The following AGO3 variants were observed in gnomAD, a reference collection of about 807,000 sequenced individuals.
AGO3 encodes the protein protein argonaute-3.
In AGO3, 16 loss-of-function variants were observed where a neutral mutation model predicts 105.5. That is an observed-to-expected ratio of 0.15 (90% confidence interval 0.10 to 0.23). AGO3 has a LOEUF of 0.23. Among genes scored for constraint, AGO3 ranks in the 10% least tolerant of loss-of-function variants. The pLI is 1.00. For missense variants in AGO3, 534 were observed against 1,088.0 expected (o/e 0.49, Z 7.16); for synonymous variants, 340 against 367.3 (o/e 0.93, Z 0.85).
intron 6 of AGO3, among the ~76,000 whole-genome samples, chr1:36,005,319 C>G (rs1332107682): frequency 6.6e-6 from 1 of 152,116 alleles, no homozygotes. Context: ...TCCCCCAAAT[C>G]AATTAGAGTA....
At position 36,063,779 on chromosome 1, in the gene AGO3, T is replaced by C. The variant is rs1643052909; in HGVS notation, c.*8034T>C. On this transcript the variant is annotated 3_prime_UTR_variant, in exon 19 of 19. Coordinates refer to ENST00000373191, the MANE Select transcript of AGO3 (RefSeq NM_024852.4). ...ATAGACAGTCCAGTTTCCTAGTGAA[T>C]AGGTCAAGATTATTTGTTTTGTTTT... 6.6e-6 allele frequency: 1 copy of C among 152,350 alleles called. No individual in the cohort carries two copies. The highest frequency in any genetic ancestry group is 6.5e-5 in the Admixed American group (1 of 15,304). The allele number at this position is 152,350 out of a possible 1,614,324, so 9.4% of individuals were successfully genotyped here. A position where few individuals can be genotyped will look rare whatever the true frequency, so the allele number is the denominator to read the frequency against.
At chr1:35,958,148 C>T (rs1347505789) in intron 2 of AGO3, among the ~76,000 whole-genome samples, 1 of 151,734 alleles carries the variant, frequency 6.6e-6, no homozygotes, top group Non-Finnish European at 1.5e-5. Flanking sequence ...TTTGGGAGGC[C>T]AAGGCGGGCG....
At chr1:36,019,645 G>C (rs543137950) in intron 11 of AGO3, among the ~76,000 whole-genome samples, 14 of 152,328 alleles carry the variant, frequency 9.2e-5, no homozygotes, top group Admixed American at 2.6e-4. Context: ...AGATGTAGCA[G>C]AAAGGTACCT....
Position 36,059,974 on chromosome 1 carries a change from CCTTT to C in AGO3, c.*4234_*4237del, listed in dbSNP as rs1376088151. The C allele has an allele frequency of 6.6e-6, 1 of 152,052 alleles. No individual in the cohort carries two copies. Among genetic ancestry groups the C allele is most frequent in the Non-Finnish European group, 1.5e-5 (1 of 68,012 alleles). 9.4% of individuals were successfully genotyped at this position (152,052 alleles called of 1,614,324 possible). ...ACATTTCAACAGAAATATTAGATTC[CCTTT>C]CTTTTTCTTAATAGTGATCTTCTAA... On this transcript the variant is annotated 3_prime_UTR_variant, in exon 19 of 19. Transcript: ENST00000373191.
intron 5 of AGO3, among the ~76,000 whole-genome samples, chr1:35,987,808 A>G (rs1647261193): frequency 6.6e-6 from 1 of 151,630 alleles, no homozygotes; most frequent in Admixed American, 6.6e-5. Flanking sequence ...GGTAGCTCAC[A>G]CCTGTAATCC....
chr1:35,951,998 C>T (rs1427743333), intron 2 of AGO3, among the ~76,000 whole-genome samples: 1 of 152,092 alleles, frequency 6.6e-6, no homozygotes, highest in Non-Finnish European at 1.5e-5. Context: ...ATTTCATCCT[C>T]TCAAAAAGAA....
intron 2 of AGO3, among the ~76,000 whole-genome samples, chr1:35,952,504 AT>A (rs1179535706): frequency 8.5e-5 from 13 of 152,292 alleles, no homozygotes; most frequent in Admixed American, 3.3e-4. Flanking sequence ...TTCTTTTTGC[AT>A]AATGATTTCA....
intron 5 of AGO3, chr1:36,004,094 A>G (rs969217104): frequency 2.9e-5 from 10 of 340,694 alleles, no homozygotes; most frequent in African/African-American, 6.3e-5. Context: ...ACACTTCTCT[A>G]TAGAGAATGG....
At chr1:35,931,857 A>G (rs1245909899) in intron 1 of AGO3, among the ~76,000 whole-genome samples, 1 of 152,220 alleles carries the variant, frequency 6.6e-6, no homozygotes, top group Non-Finnish European at 1.5e-5. Context: ...ATAGGCTGAG[A>G]TAACGGATAA....
At chr1:35,930,859 C>T (rs896058177), upstream of AGO3, 32 of 214,144 alleles carry the variant, frequency 1.5e-4, no homozygotes, top group Non-Finnish European at 3.7e-5. Context: ...ACAGGCACCG[C>T]CCCCACTCGT....
chr1:36,058,335 T>C lies in AGO3; in HGVS notation c.*2590T>C, dbSNP rs936494126. On this transcript the variant is annotated 3_prime_UTR_variant, in exon 19 of 19. Transcript: ENST00000373191. ...TACAAAACTTTTATTGATTACACTTTAAGGTATTAAAAAGTACTATAAAGC... is the reference window on the plus strand; with the variant it reads ...TACAAAACTTTTATTGATTACACTTCAAGGTATTAAAAAGTACTATAAAGC... The C allele has an allele frequency of 4.6e-5, 7 of 152,306 alleles. No homozygotes were observed. Among genetic ancestry groups the C allele is most frequent in the Middle Eastern group, 3.4e-3 (1 of 294 alleles). 9.4% of individuals were successfully genotyped at this position (152,306 alleles called of 1,614,324 possible).
At chr1:35,945,504 G>C (rs534216701) in intron 1 of AGO3, among the ~76,000 whole-genome samples, 188 bp from the exon 2 acceptor site, 10 of 152,238 alleles carry the variant, frequency 6.6e-5, no homozygotes, top group Non-Finnish European at 1.5e-4. Flanking sequence ...ACGGTTTTCT[G>C]TGTTTATTTT....
intron 5 of AGO3, chr1:35,982,594 A>G (rs905157960): frequency 4.2e-6 from 3 of 717,178 alleles, no homozygotes; most frequent in Non-Finnish European, 7.8e-6. Context: ...TAAGAAGGAT[A>G]GTGACATGAT....
chr1:35,982,525 A>G (rs1230808037), intron 5 of AGO3: 3 of 629,484 alleles, frequency 4.8e-6, no homozygotes, highest in Non-Finnish European at 8.7e-6. Context: ...GATAAAAACA[A>G]ATCAATGAAA....
At chr1:35,996,472 C>G (rs1214329213) in intron 5 of AGO3, among the ~76,000 whole-genome samples, 4 of 151,838 alleles carry the variant, frequency 2.6e-5, no homozygotes, top group Non-Finnish European at 4.4e-5. Flanking sequence ...TCACATACTT[C>G]ACAAAAGAAT....
At position 35,960,654 on chromosome 1, in the gene AGO3, T is replaced by G. The variant is rs190501043; in HGVS notation, c.192-6301T>G. Among the ~76,000 whole-genome samples the G allele has an allele frequency of 4.6e-3, 700 of 152,106 alleles. 4 individuals carry two copies. The highest frequency in any genetic ancestry group is 0.014 in the African/African-American group (578 of 41,476). Reference sequence around the variant, plus strand: ...GAGACCCCATCTCTTTAAAAAAAATTCTAAATATATGAATTAATTGTGTCA... The same window carrying G: ...GAGACCCCATCTCTTTAAAAAAAATGCTAAATATATGAATTAATTGTGTCA... On this transcript the variant is annotated intron_variant, in intron 2 of 18. Transcript: ENST00000373191.
At position 35,933,640 on chromosome 1, in the gene AGO3, CAAAAAAA is replaced by C. The variant is rs34254758; in HGVS notation, c.19+2221_19+2227del. ...TGGGTGACGGAGCAAGACCCTGTCT[CAAAAAAA>C]AAAAAAAAAAAAAAAAAAAAAAAAA... On this transcript the variant is annotated intron_variant, in intron 1 of 18. Coordinates refer to ENST00000373191, the MANE Select transcript of AGO3 (RefSeq NM_024852.4). 4.8e-4 allele frequency among the ~76,000 whole-genome samples: 15 copies of C among 31,426 alleles called. 1 individual carries two copies. The highest frequency in any genetic ancestry group is 1.4e-3 in the South Asian group (1 of 714). The allele number at this position is 31,426 out of a possible 152,430, so 20.6% of individuals were successfully genotyped here. A position where few individuals can be genotyped will look rare whatever the true frequency, so the allele number is the denominator to read the frequency against.
chr1:35,945,825 A>C lies in AGO3; in HGVS notation c.153A>C (p.Val51=). Reference sequence around the variant, plus strand: ...AGATTGATGTCTACCTCTATGAGGTAGATATTAAACCAGACAAGTGTCCTA... The same window carrying C: ...AGATTGATGTCTACCTCTATGAGGTCGATATTAAACCAGACAAGTGTCCTA... ...IPKIDVYLYE[V]DIKPDKCPRR... is the part of the protein sequence containing the mutation. Residue 51 remains valine, a synonymous_variant, in exon 2 of 19, where the codon GTA becomes GTC. Transcript: ENST00000373191. 6.2e-7 allele frequency: 1 copy of C among 1,613,850 alleles called. No individual in the cohort carries two copies. The highest frequency in any genetic ancestry group is 1.1e-5 in the South Asian group (1 of 91,064).
At chr1:35,999,989 A>C (rs1460206067) in intron 5 of AGO3, among the ~76,000 whole-genome samples, 1 of 152,060 alleles carries the variant, frequency 6.6e-6, no homozygotes, top group East Asian at 1.9e-4. Context: ...AGATTAGGGA[A>C]GTTCCCTTCT....
Sources: gnomAD v4.1 joint callset for allele counts (sites outside exome capture counted in the v4.1 genomes callset) on GRCh38, gnomAD v4.1.1 for gene constraint, MANE v1.5 for transcripts, NCBI Gene and HGNC (gene_info 2026-07-23, HGNC 2026-07-21) for gene names.